Variants in SLF1 observed in about 807,000 individuals in gnomAD.
The protein encoded by SLF1 is SMC5-SMC6 complex localization factor protein 1.
In SLF1, 105 loss-of-function variants were observed where a neutral mutation model predicts 123.0. That is an observed-to-expected ratio of 0.85 (90% CI 0.73 to 1.00). The LOEUF (loss-of-function observed/expected upper bound fraction) is 1.00, where lower values mean the gene tolerates loss of function less well. Ranked by LOEUF, SLF1 falls within the 50% of genes least tolerant of loss-of-function variation. The pLI is 0.00. For synonymous variants in SLF1, 434 were observed against 406.6 expected (o/e 1.07, Z -0.81); for missense variants, 1,239 against 1,223.0 (o/e 1.01, Z -0.20).
chr5:94,670,774 G>T, intron 13 of SLF1, 69 bp from the exon 14 acceptor site: 1 of 1,133,774 alleles, frequency 8.8e-7, no homozygotes, highest in Non-Finnish European at 1.2e-6. Context: ...TTTTTGACAG[G>T]AGAGATGTCA....
intron 6 of SLF1, among the ~76,000 whole-genome samples, chr5:94,651,427 A>G (rs1469330717): frequency 1.3e-5 from 2 of 152,222 alleles, no homozygotes; most frequent in Non-Finnish European, 2.9e-5. Flanking sequence ...TATAATGATT[A>G]AACAACATGA....
chr5:94,662,309 C>T lies in SLF1; in HGVS notation c.1167C>T (p.Tyr389=). Residue 389 remains tyrosine (Y), a synonymous_variant, in exon 10 of 21, where the codon TAC becomes TAT. Transcript: ENST00000265140. ...TTGCTCTTTTGTAGGCTGTCAGATA[C>T]AACTGCATTAGAATAGATAAACAAC... ...KHIYRAQAVR[Y]NCIRIDKQPV... 2 of 1,548,620 alleles carry T rather than the reference C, an allele frequency of 1.3e-6. No homozygotes were observed. Among genetic ancestry groups the T allele is most frequent in the South Asian group, 1.2e-5 (1 of 83,490 alleles).
chr5:94,644,872 A>G (rs770587142), intron 5 of SLF1, among the ~76,000 whole-genome samples: 1 of 152,134 alleles, frequency 6.6e-6, no homozygotes, highest in Non-Finnish European at 1.5e-5. Context: ...CCTTTGTTTT[A>G]TTCTGATCAC....
chr5:94,639,022 CTT>C (rs917101797), intron 4 of SLF1, among the ~76,000 whole-genome samples: 10 of 113,990 alleles, frequency 8.8e-5, no homozygotes, highest in Non-Finnish European at 1.6e-4. Flanking sequence ...TTTCTCATCT[CTT>C]TTCTTTTCTT....
At chr5:94,652,153 A>T (rs1747815484) in intron 7 of SLF1, among the ~76,000 whole-genome samples, 1 of 151,964 alleles carries the variant, frequency 6.6e-6, no homozygotes, top group African/African-American at 2.4e-5. Context: ...GACTACAGGC[A>T]CACACCACCA....
intron 14 of SLF1, among the ~76,000 whole-genome samples, chr5:94,678,143 A>G (rs1294649296): frequency 2.0e-5 from 3 of 152,070 alleles, no homozygotes; most frequent in Admixed American, 6.5e-5. Flanking sequence ...GATAGTCTCA[A>G]TCTCCTGACC....
intron 4 of SLF1, among the ~76,000 whole-genome samples, chr5:94,636,604 TTTTG>T (rs1397588495): frequency 4.6e-5 from 7 of 152,110 alleles, no homozygotes; most frequent in African/African-American, 7.2e-5. Context: ...AAATTTCCTA[TTTTG>T]TTTTTGTTTA....
intron 5 of SLF1, among the ~76,000 whole-genome samples, chr5:94,644,951 G>A (rs1746848368): frequency 6.6e-6 from 1 of 152,168 alleles, no homozygotes; most frequent in Non-Finnish European, 1.5e-5. Flanking sequence ...AAAGATGTTT[G>A]AGTCTTCCAA....
At chr5:94,668,956 A>C (rs532580634) in intron 12 of SLF1, among the ~76,000 whole-genome samples, 1 of 152,270 alleles carries the variant, frequency 6.6e-6, no homozygotes, top group African/African-American at 2.4e-5. Context: ...TCCATCCTTA[A>C]TATCTAATAT....
chr5:94,647,466 A>G (rs1308213394), intron 5 of SLF1, among the ~76,000 whole-genome samples: 1 of 152,224 alleles, frequency 6.6e-6, no homozygotes, highest in Non-Finnish European at 1.5e-5. Context: ...CAAATATCAG[A>G]ATCAAAAGCC....
intron 6 of SLF1, among the ~76,000 whole-genome samples, chr5:94,650,432 G>A (rs113604856): frequency 1.2e-3 from 184 of 149,520 alleles, no homozygotes; most frequent in Non-Finnish European, 2.3e-3. Context: ...GCACTATCTC[G>A]GCTCACTGCA....
chr5:94,638,100 G>T lies in SLF1; in HGVS notation c.432-5173G>T, dbSNP rs965031279. 1.5e-4 allele frequency among the ~76,000 whole-genome samples: 23 copies of T among 152,168 alleles called. 1 individual carries two copies. Among genetic ancestry groups the T allele is most frequent in the African/African-American group, 5.5e-4 (23 of 41,534 alleles). ...TCTGATTTGGTGCCATTGATGGCAG[G>T]TATGTTGCGCTACCACCAAGATTTG... On this transcript the variant is annotated intron_variant, in intron 4 of 20. Transcript: ENST00000265140.
chr5:94,670,065 A>T, intron 12 of SLF1, 86 bp from the exon 13 acceptor site: 2 of 1,245,852 alleles, frequency 1.6e-6, no homozygotes, highest in Non-Finnish European at 1.1e-6. Context: ...AAATTCCAGC[A>T]GTATTCTAGA....
At chr5:94,665,290 T>C (rs1036762995) in intron 11 of SLF1, among the ~76,000 whole-genome samples, 1 of 152,022 alleles carries the variant, frequency 6.6e-6, no homozygotes, top group African/African-American at 2.4e-5. Flanking sequence ...GCTGCATTTA[T>C]TGGAAAAAAA....
At chr5:94,653,853 A>G (rs1748055169) in intron 8 of SLF1, among the ~76,000 whole-genome samples, 1 of 107,980 alleles carries the variant, frequency 9.3e-6, no homozygotes. Context: ...CTGGAGTATG[A>G]CTTTTTTTTT....
chr5:94,647,323 CTCT>C (rs1373683115), intron 5 of SLF1, among the ~76,000 whole-genome samples: 2 of 152,182 alleles, frequency 1.3e-5, no homozygotes, highest in African/African-American at 2.4e-5. Flanking sequence ...ATTTATATGT[CTCT>C]TCTTCTTCTT....
intron 9 of SLF1, among the ~76,000 whole-genome samples, chr5:94,658,686 C>T (rs988282286): frequency 6.6e-6 from 1 of 152,172 alleles, no homozygotes; most frequent in Non-Finnish European, 1.5e-5. Flanking sequence ...TCTTACAACA[C>T]TTGGGACGTT....
At chr5:94,622,568 TAAC>T (rs1320211126) in intron 1 of SLF1, among the ~76,000 whole-genome samples, 2 of 152,172 alleles carry the variant, frequency 1.3e-5, no homozygotes, top group African/African-American at 4.8e-5. Context: ...TCCCCAGTGT[TAAC>T]AATGGTATTA....
At chr5:94,639,678 A>G (rs1173923924) in intron 4 of SLF1, among the ~76,000 whole-genome samples, 2 of 152,236 alleles carry the variant, frequency 1.3e-5, no homozygotes, top group Non-Finnish European at 1.5e-5. Flanking sequence ...CTGATAATGT[A>G]AACAGTTAAC....
Sources: allele counts gnomAD v4.1 joint callset (sites outside exome capture counted in the v4.1 genomes callset), GRCh38; gene constraint gnomAD v4.1.1; transcripts MANE v1.5; gene names NCBI Gene and HGNC (gene_info 2026-07-23, HGNC 2026-07-21).